The following RBFOX1 variants were observed in gnomAD, a reference collection of about 807,000 sequenced individuals.
The protein encoded by RBFOX1 is RNA binding protein fox-1 homolog 1.
A neutral mutation model predicts 57.7 loss-of-function variants in RBFOX1; 8 were observed. That is an observed-to-expected ratio of 0.14 (90% CI 0.08 to 0.25). RBFOX1 has a LOEUF of 0.25. Among genes scored for constraint, RBFOX1 ranks in the 10% least tolerant of loss-of-function variants. RBFOX1 has a pLI of 1.00. For synonymous variants in RBFOX1, 326 were observed against 222.4 expected (o/e 1.47, Z -4.15); for missense variants, 611 against 548.5 (o/e 1.11, Z -1.14).
intron 12 of RBFOX1, among the ~76,000 whole-genome samples, chr16:7,654,471 G>T (rs1266671221): frequency 2.0e-5 from 3 of 152,174 alleles, no homozygotes; most frequent in Non-Finnish European, 4.4e-5. Context: ...AATGAAATTG[G>T]AGTTAAGATG....
chr16:5,388,608 G>A (rs111414839), intron 1 of RBFOX1, among the ~76,000 whole-genome samples: 26 of 152,028 alleles, frequency 1.7e-4, no homozygotes, highest in Non-Finnish European at 2.9e-4. Context: ...ACAGAGTCTC[G>A]CTCTGTCACC....
At chr16:6,827,675 C>G (rs1027829152) in intron 3 of RBFOX1, among the ~76,000 whole-genome samples, 2 of 152,184 alleles carry the variant, frequency 1.3e-5, no homozygotes, top group Non-Finnish European at 2.9e-5. Flanking sequence ...GAGGTCTCTT[C>G]TGATCCTTCA....
chr16:6,336,694 G>C (rs532287959), intron 2 of RBFOX1, among the ~76,000 whole-genome samples: 190 of 151,634 alleles, frequency 1.3e-3, no homozygotes, highest in African/African-American at 4.4e-3. Flanking sequence ...GTAAAGAGGT[G>C]GGGGGGAAAT....
intron 3 of RBFOX1, among the ~76,000 whole-genome samples, chr16:6,769,564 C>G (rs140242251): frequency 6.6e-6 from 1 of 152,186 alleles, no homozygotes; most frequent in African/African-American, 2.4e-5. Context: ...TTTGCCTATT[C>G]GTGACAATGC....
chr16:5,508,518 C>T (rs577172141), intron 2 of RBFOX1, among the ~76,000 whole-genome samples: 21 of 152,194 alleles, frequency 1.4e-4, no homozygotes, highest in Admixed American at 5.9e-4. Context: ...CTCCCGAGGT[C>T]GGGTGGGAGA....
chr16:5,858,656 G>C (rs762596572), intron 3 of RBFOX1, among the ~76,000 whole-genome samples: 3 of 152,224 alleles, frequency 2.0e-5, no homozygotes, highest in Non-Finnish European at 4.4e-5. Context: ...TCCTGACAGT[G>C]AGAGTTATTA....
At chr16:5,546,442 A>G (rs1241520264) in intron 2 of RBFOX1, among the ~76,000 whole-genome samples, 1 of 152,224 alleles carries the variant, frequency 6.6e-6, no homozygotes, top group Non-Finnish European at 1.5e-5. Flanking sequence ...ATTGTAATCA[A>G]GACAGTGTAC....
intron 3 of RBFOX1, among the ~76,000 whole-genome samples, chr16:6,773,201 TTGTG>T (rs1328286451): frequency 6.0e-5 from 4 of 66,668 alleles, no homozygotes; most frequent in Admixed American, 1.6e-4. Context: ...TGGGGTGCAT[TTGTG>T]TGTGAGTGTA....
At chr16:6,372,839 A>T (rs1172042509) in intron 2 of RBFOX1, among the ~76,000 whole-genome samples, 1 of 150,602 alleles carries the variant, frequency 6.6e-6, no homozygotes, top group Non-Finnish European at 1.5e-5. Context: ...ATGGTTGGTT[A>T]GGATCTTTGG....
intron 2 of RBFOX1, among the ~76,000 whole-genome samples, chr16:6,564,261 C>T (rs2097223841): frequency 6.6e-6 from 1 of 152,110 alleles, no homozygotes; most frequent in Non-Finnish European, 1.5e-5. Flanking sequence ...ACATATGGAA[C>T]ATGCTCTATG....
intron 1 of RBFOX1, among the ~76,000 whole-genome samples, chr16:6,076,932 C>T (rs115647365): frequency 1.1e-3 from 174 of 152,280 alleles, no homozygotes; most frequent in African/African-American, 4.0e-3. Flanking sequence ...GTTTGTTGCA[C>T]AGTGCACTTA....
At chr16:7,137,075 T>C (rs941445881) in intron 4 of RBFOX1, among the ~76,000 whole-genome samples, 6 of 152,200 alleles carry the variant, frequency 3.9e-5, no homozygotes, top group African/African-American at 1.4e-4. Context: ...ATTTCTATTC[T>C]ATAAAGGAGA....
At chr16:6,757,487 T>G (rs556943145) in intron 3 of RBFOX1, among the ~76,000 whole-genome samples, 22 of 152,188 alleles carry the variant, frequency 1.4e-4, no homozygotes, top group Non-Finnish European at 2.5e-4. Context: ...ATGCTGTTTG[T>G]TACAGCAACA....
intron 2 of RBFOX1, among the ~76,000 whole-genome samples, chr16:6,432,150 G>C (rs1337110346): frequency 1.3e-5 from 2 of 151,764 alleles, no homozygotes; most frequent in Non-Finnish European, 2.9e-5. Flanking sequence ...TAAATTTTTT[G>C]TAAAGATGGG....
intron 3 of RBFOX1, among the ~76,000 whole-genome samples, chr16:6,895,939 T>C (rs1406282702): frequency 6.6e-6 from 1 of 151,980 alleles, no homozygotes; most frequent in Non-Finnish European, 1.5e-5. Context: ...ATAGTAGGTA[T>C]ATATATATAT....
chr16:5,625,671 C>A (rs1407585917), intron 3 of RBFOX1, among the ~76,000 whole-genome samples: 1 of 151,846 alleles, frequency 6.6e-6, no homozygotes, highest in Non-Finnish European at 1.5e-5. Context: ...GATTCTCCTT[C>A]CTCAGCCTCC....
intron 3 of RBFOX1, among the ~76,000 whole-genome samples, chr16:6,867,434 G>C (rs184287570): frequency 1.3e-5 from 2 of 151,856 alleles, no homozygotes; most frequent in Non-Finnish European, 2.9e-5. Flanking sequence ...AGGGAAGAAA[G>C]GGGGCCGGGT....
At position 6,357,698 on chromosome 16, in the gene RBFOX1, CAG is replaced by C. The variant is rs1368709649; in HGVS notation, c.-64+40642_-64+40643del. ...ATGCAGTGGCTCATGCCTGTAATCC[CAG>C]CACTTTGGGAGTCCTAGGCGGGTGG... On this transcript the variant is annotated intron_variant, in intron 2 of 15. Coordinates refer to ENST00000550418, the MANE Select transcript of RBFOX1 (RefSeq NM_018723.4). Among the ~76,000 whole-genome samples the C allele has an allele frequency of 4.4e-4, 67 of 152,074 alleles. 1 individual carries two copies. The highest frequency in any genetic ancestry group is 4.4e-3 in the Admixed American group (67 of 15,258).
At chr16:5,740,028 T>G (rs2052719457) in intron 3 of RBFOX1, among the ~76,000 whole-genome samples, 1 of 152,214 alleles carries the variant, frequency 6.6e-6, no homozygotes, top group Admixed American at 6.5e-5. Context: ...GCTGCAGAAC[T>G]GCTCTCTTTG....
Sources: gnomAD v4.1 joint callset for allele counts (sites outside exome capture counted in the v4.1 genomes callset) on GRCh38, gnomAD v4.1.1 for gene constraint, MANE v1.5 for transcripts, NCBI Gene and HGNC (gene_info 2026-07-23, HGNC 2026-07-21) for gene names.